LRRC43: variants seen among roughly 807,000 people sequenced by gnomAD.
The protein encoded by LRRC43 is leucine rich repeat containing 43.
LRRC43 carries 62 observed loss-of-function variants against 64.3 expected under a neutral mutation model. The observed-to-expected ratio is 0.96, with a 90% CI of 0.79 to 1.19. The LOEUF (loss-of-function observed/expected upper bound fraction) is 1.19, where lower values mean the gene tolerates loss of function less well. Among genes scored for constraint, LRRC43 ranks in the 50% most tolerant of loss-of-function variants. The pLI, the probability that LRRC43 is intolerant of heterozygous loss-of-function variation, is 0.00. For missense variants in LRRC43, 868 were observed against 845.0 expected (o/e 1.03, Z -0.34); for synonymous variants, 422 against 382.3 (o/e 1.10, Z -1.21).
intron 4 of LRRC43, among the ~76,000 whole-genome samples, chr12:122,189,693 A>C (rs1593148553): frequency 6.8e-6 from 1 of 146,024 alleles, no homozygotes; most frequent in Non-Finnish European, 1.5e-5. Flanking sequence ...CCCTCCTCCC[A>C]CTCCCCAGCA....
chr12:122,193,253 C>T (rs551059431), intron 7 of LRRC43, among the ~76,000 whole-genome samples: 40 of 151,740 alleles, frequency 2.6e-4, no homozygotes, highest in Non-Finnish European at 4.7e-4. Context: ...TGGTGGCAGG[C>T]GCCTGTAGTC....
intron 1 of LRRC43, among the ~76,000 whole-genome samples, chr12:122,170,889 G>T (rs1022318075): frequency 5.3e-5 from 8 of 152,092 alleles, no homozygotes; most frequent in Non-Finnish European, 1.2e-4. Flanking sequence ...ATAAAGCCCA[G>T]ATTTCTGTCT....
chr12:122,183,347 A>G, intron 1 of LRRC43, 53 bp downstream of exon 1: 5 of 1,391,720 alleles, frequency 3.6e-6, no homozygotes, highest in Non-Finnish European at 4.6e-6. Flanking sequence ...GCGGGGAGGC[A>G]CGGGCCCGGG....
At chr12:122,169,559 C>CA (rs1312817727) in intron 1 of LRRC43, among the ~76,000 whole-genome samples, 2 of 151,306 alleles carry the variant, frequency 1.3e-5, no homozygotes, top group African/African-American at 4.9e-5. Flanking sequence ...ACTAAAAATA[C>CA]AAAAAAATTA....
In LRRC43 at chr12:122,190,171, C is replaced by G. The variant is rs767346072; in HGVS notation, c.704C>G (p.Thr235Arg). ...VSLDLGFNDL[T>R]DLQSMVTSLR... ...CTGGACCTGGGCTTCAACGACCTGACAGACCTGCAGAGCATGGTCACCAGC... is the reference window on the plus strand; with the variant it reads ...CTGGACCTGGGCTTCAACGACCTGAGAGACCTGCAGAGCATGGTCACCAGC... Residue 235 changes from threonine (T) to arginine (R), a missense_variant, in exon 5 of 12, where the codon ACA (threonine) becomes AGA (arginine). Coordinates refer to ENST00000339777, the MANE Select transcript of LRRC43 (RefSeq NM_001098519.2). The G allele has an allele frequency of 2.5e-6, 4 of 1,614,162 alleles. No homozygotes were observed. Among genetic ancestry groups the G allele is most frequent in the South Asian group, 1.1e-5 (1 of 91,080 alleles).
chr12:122,174,274 G>A (rs560901284), intron 1 of LRRC43: 57 of 1,380,522 alleles, frequency 4.1e-5, no homozygotes, highest in Admixed American at 3.8e-4. Context: ...AGGAGAAAGA[G>A]CAGTCAGCGT....
At chr12:122,196,330 CT>C (rs1334335489) in intron 7 of LRRC43, among the ~76,000 whole-genome samples, 1 of 152,082 alleles carries the variant, frequency 6.6e-6, no homozygotes, top group African/African-American at 2.4e-5. Flanking sequence ...ACTTGTAAGC[CT>C]TTATATTTTC....
At chr12:122,201,186 C>T (rs927685439) in intron 10 of LRRC43, 110 bp from the exon 11 acceptor site, 7 of 1,175,266 alleles carry the variant, frequency 6.0e-6, no homozygotes, top group African/African-American at 4.6e-5. Flanking sequence ...AGGAGACCCC[C>T]GCCTTCCTGG....
At chr12:122,189,933 T>C (rs1953694880) in intron 4 of LRRC43, 197 bp from the exon 5 acceptor site, 1 of 643,954 alleles carries the variant, frequency 1.6e-6, no homozygotes, top group Non-Finnish European at 2.8e-6. Flanking sequence ...AGGGTGGCAG[T>C]GCTACGGAGA....
At chr12:122,169,147 A>T (rs1235847828) in intron 1 of LRRC43, among the ~76,000 whole-genome samples, 2 of 152,138 alleles carry the variant, frequency 1.3e-5, no homozygotes, top group Non-Finnish European at 2.9e-5. Context: ...TGTTCTTTAG[A>T]AGGGAGTCAC....
Position 122,176,535 on chromosome 12 carries a change from G to GTTTTGT in LRRC43, c.-405-7980_-405-7979insGTTTTT, listed in dbSNP as rs1555238010. 3.7e-3 allele frequency among the ~76,000 whole-genome samples: 535 copies of GTTTTGT among 144,244 alleles called. 1 individual carries two copies. Among genetic ancestry groups the GTTTTGT allele is most frequent in the African/African-American group, 4.9e-3 (193 of 39,454 alleles). 94.6% of individuals were successfully genotyped at this position (144,244 alleles called of 152,430 possible). A position where few individuals can be genotyped will look rare whatever the true frequency, so the allele number is the denominator to read the frequency against. On this transcript the variant is annotated intron_variant, in intron 1 of 5. Coordinates refer to the LRRC43 transcript ENST00000537729. ...TCTTAATTGTTTTGTCTTTTGTTTT[G>GTTTTGT]TTTTTTTTTTTGGAGAGAAGATCTC...
chr12:122,174,837 C>CT (rs1206815102), intron 1 of LRRC43, among the ~76,000 whole-genome samples: 3 of 145,990 alleles, frequency 2.1e-5, no homozygotes, highest in South Asian at 2.3e-4. Context: ...TTGTTCATAT[C>CT]TTTTTTCTTT....
chr12:122,183,098 C>G (rs1180593414), upstream of LRRC43: 1 of 1,514,228 alleles, frequency 6.6e-7, no homozygotes, highest in Admixed American at 2.1e-5. Flanking sequence ...GAGGCCCCTG[C>G]CCCCGCGCAC....
Position 122,203,447 on chromosome 12 carries a change from T to G in LRRC43, c.*5T>G. The stretch of plus-strand genomic sequence containing the variant: ...CTGCGCATGTTCGCCGTGTAGGGCG[T>G]GGGCAGTAAAGGCTGTTCCCAGCAC... On this transcript the variant is annotated 3_prime_UTR_variant, in exon 12 of 12. Coordinates refer to ENST00000339777, the MANE Select transcript of LRRC43 (RefSeq NM_001098519.2). 6.2e-7 allele frequency: 1 copy of G among 1,608,666 alleles called. No individual in the cohort carries two copies. Among genetic ancestry groups the G allele is most frequent in the Non-Finnish European group, 8.5e-7 (1 of 1,179,078 alleles).
intron 7 of LRRC43, among the ~76,000 whole-genome samples, chr12:122,194,093 A>G (rs1368891478): frequency 6.6e-6 from 1 of 152,092 alleles, no homozygotes; most frequent in Admixed American, 6.6e-5. Flanking sequence ...AGTAATTGTT[A>G]TAAATATTAA....
intron 1 of LRRC43, among the ~76,000 whole-genome samples, chr12:122,174,764 G>A (rs907190937): frequency 7.2e-5 from 11 of 152,034 alleles, no homozygotes; most frequent in African/African-American, 2.2e-4. Context: ...ACTCTCCATC[G>A]TGCCTCTGCA....
chr12:122,187,830 G>C lies in LRRC43; in HGVS notation c.652G>C (p.Ala218Pro), dbSNP rs114611063. 1 of 1,613,938 alleles carries C rather than the reference G, an allele frequency of 6.2e-7. No homozygotes were observed. Residue 218 changes from alanine to proline, a missense_variant, in exon 4 of 12, where the codon GCT (alanine) becomes CCT (proline). Physicochemically the swap from Ala to Pro is conservative, Grantham distance 27. Transcript: ENST00000339777. ...CCCCTTGGAAAGTCTCTACGTCACCGCTAATCACTGGTAACTCGGGAGCCC... is the reference window on the plus strand; with the variant it reads ...CCCCTTGGAAAGTCTCTACGTCACCCCTAATCACTGGTAACTCGGGAGCCC... ...LGPLESLYVTANHWPNLVSLD... is the reference protein window; with the variant it reads ...LGPLESLYVTPNHWPNLVSLD...
upstream of LRRC43, chr12:122,182,990 T>G: frequency 8.0e-7 from 1 of 1,244,492 alleles, no homozygotes; most frequent in Non-Finnish European, 1.1e-6. Context: ...TATCCCATTT[T>G]TATAGATGAG....
In LRRC43 at chr12:122,193,155, C is replaced by T. The variant is rs374149299; in HGVS notation, c.1349+151C>T. The T allele has an allele frequency of 4.2e-4, 309 of 732,578 alleles. 1 individual carries two copies. Among genetic ancestry groups the T allele is most frequent in the Non-Finnish European group, 6.2e-4 (280 of 453,902 alleles). 45.4% of individuals were successfully genotyped at this position (732,578 alleles called of 1,614,324 possible). A position where few individuals can be genotyped will look rare whatever the true frequency, so the allele number is the denominator to read the frequency against. On this transcript the variant is annotated intron_variant, in intron 7 of 11. Transcript: ENST00000339777. ...CGGCACTTTGGGAGGCAGAGGCGGG[C>T]GGATCACGAGGTCAGGAGATCGAGA... is the stretch of plus-strand genomic sequence containing the variant.
Sources: gnomAD v4.1 joint callset for allele counts (sites outside exome capture counted in the v4.1 genomes callset) on GRCh38, gnomAD v4.1.1 for gene constraint, MANE v1.5 for transcripts, NCBI Gene and HGNC (gene_info 2026-07-23, HGNC 2026-07-21) for gene names.